The following PTCD3 variants were observed in gnomAD, a reference collection of about 807,000 sequenced individuals.
The protein encoded by PTCD3 is pentatricopeptide repeat domain 3, also known as small ribosomal subunit protein mS39.
A neutral mutation model predicts 101.9 loss-of-function variants in PTCD3; 89 were observed. That is an observed-to-expected ratio of 0.87 (90% CI 0.74 to 1.04). The LOEUF is 1.04. PTCD3 is among the 50% of genes least tolerant of loss of function. PTCD3 has a pLI of 0.00. For missense variants in PTCD3, 870 were observed against 828.2 expected, an observed-to-expected ratio of 1.05 and a Z score of -0.62; for synonymous variants, 296 against 278.5, an observed-to-expected ratio of 1.06 and a Z score of -0.63.
At chr2:86,124,580 G>A (rs1004808388) in intron 9 of PTCD3, among the ~76,000 whole-genome samples, 3 of 152,154 alleles carry the variant, frequency 2.0e-5, no homozygotes, top group Non-Finnish European at 4.4e-5. Context: ...TGAGAGAAGA[G>A]TTAAAAGTAC....
At chr2:86,130,966 A>C in intron 15 of PTCD3, 112 bp from the exon 16 acceptor site, 1 of 1,397,628 alleles carries the variant, frequency 7.2e-7, no homozygotes, top group Non-Finnish European at 9.7e-7. Context: ...TTATGTTCTT[A>C]GCTTTATCTT....
In PTCD3 at chr2:86,134,890, A is replaced by G; in HGVS notation, c.1681A>G (p.Ser561Gly). ...CAADIKSAYESQPIRQTAQDW... is the reference protein window; with the variant it reads ...CAADIKSAYEGQPIRQTAQDW... ...TGCTGATATCAAATCTGCGTATGAA[A>G]GCCAACCCATCAGACAGACTGCTCA... The change falls in exon 21 of 24, where the codon AGC (serine) becomes GGC (glycine). Residue 561 changes from serine to glycine, a missense_variant. Ser to Gly is a moderately conservative substitution (Grantham distance 56, BLOSUM62 0). Transcript: ENST00000254630. 2 of 1,614,192 alleles carry G rather than the reference A, an allele frequency of 1.2e-6. No individual in the cohort carries two copies. Among genetic ancestry groups the G allele is most frequent in the Non-Finnish European group, 1.7e-6 (2 of 1,180,026 alleles).
At chr2:86,131,027 A>T (rs754293983) in intron 15 of PTCD3, 51 bp from the exon 16 acceptor site, 2 of 1,562,492 alleles carry the variant, frequency 1.3e-6, no homozygotes, top group Non-Finnish European at 8.7e-7. Flanking sequence ...ACTGACTTGA[A>T]AATATATTTT....
intron 4 of PTCD3, among the ~76,000 whole-genome samples, chr2:86,112,517 C>A (rs1345719605): frequency 6.6e-6 from 1 of 151,518 alleles, no homozygotes; most frequent in Non-Finnish European, 1.5e-5. Context: ...CCTGTCTCTA[C>A]CAAAACAACA....
intron 4 of PTCD3, 120 bp downstream of exon 4, chr2:86,111,278 C>A: frequency 1.0e-6 from 1 of 984,360 alleles, no homozygotes; most frequent in Non-Finnish European, 1.5e-6. Context: ...AACTGTTGTG[C>A]GTCTAGAAAG....
rs1011928423 is a variant in PTCD3 at position 86,141,119 on chromosome 2, G to A, written c.*3560G>A. On this transcript the variant is annotated 3_prime_UTR_variant, in exon 24 of 24. Coordinates refer to ENST00000254630, the MANE Select transcript of PTCD3 (RefSeq NM_017952.6). ...CGTGGTGTCTGTTCCCACAACAATGGCCCTTTCACAAGCTCTTGCCTCACA... is the reference window on the plus strand; with the variant it reads ...CGTGGTGTCTGTTCCCACAACAATGACCCTTTCACAAGCTCTTGCCTCACA... 6.6e-6 allele frequency: 1 copy of A among 152,116 alleles called. No homozygotes were observed. The highest frequency in any genetic ancestry group is 6.6e-5 in the Admixed American group (1 of 15,258). 9.4% of individuals were successfully genotyped at this position (152,116 alleles called of 1,614,324 possible).
At chr2:86,108,308 T>G in intron 1 of PTCD3, 42 bp from the exon 2 acceptor site, 1 of 1,587,108 alleles carries the variant, frequency 6.3e-7, no homozygotes, top group Non-Finnish European at 8.5e-7. Context: ...GCTGGGTACT[T>G]CATTAATGAC....
chr2:86,124,592 T>C (rs899238313), intron 9 of PTCD3, among the ~76,000 whole-genome samples: 4 of 152,102 alleles, frequency 2.6e-5, no homozygotes, highest in Admixed American at 2.0e-4. Flanking sequence ...TAAAAGTACA[T>C]ATGCTAGAAT....
In PTCD3 at chr2:86,137,845, G is replaced by A. The variant is rs1013695429; in HGVS notation, c.*286G>A. The A allele has an allele frequency of 8.5e-6, 3 of 353,230 alleles. No individual in the cohort carries two copies. Among genetic ancestry groups the A allele is most frequent in the Non-Finnish European group, 1.7e-5 (3 of 181,350 alleles). The allele number at this position is 353,230 out of a possible 1,614,324, so 21.9% of individuals were successfully genotyped here. A position where few individuals can be genotyped will look rare whatever the true frequency, so the allele number is the denominator to read the frequency against. On this transcript the variant is annotated 3_prime_UTR_variant, in exon 24 of 24. Coordinates refer to ENST00000254630, the MANE Select transcript of PTCD3 (RefSeq NM_017952.6). ...TCCATGGCTCTTGTCATCAGGATAA[G>A]CCTGCACACCTAGAGTGTCGGTGAG...
intron 3 of PTCD3, among the ~76,000 whole-genome samples, chr2:86,109,739 A>G (rs1224469922): frequency 6.6e-6 from 1 of 152,224 alleles, no homozygotes; most frequent in African/African-American, 2.4e-5. Flanking sequence ...TTACTTGGGA[A>G]TAGTAACAGG....
chr2:86,134,377 G>GGT lies in PTCD3; in HGVS notation c.1629+1_1629+2dup. 6.2e-7 allele frequency: 1 copy of GGT among 1,609,148 alleles called. No homozygotes were observed. Among genetic ancestry groups the GGT allele is most frequent in the Non-Finnish European group, 8.5e-7 (1 of 1,175,606 alleles). On this transcript the variant is annotated frameshift_variant and splice_region_variant. Coordinates refer to ENST00000254630, the MANE Select transcript of PTCD3 (RefSeq NM_017952.6). LOFTEE classifies it high-confidence loss of function. ...TGGCAAGGGACAAGCACCCACCAGAGGTAGGCCTGAAACTCACCAGCCAGT... is the reference window on the plus strand; with the variant it reads ...TGGCAAGGGACAAGCACCCACCAGAGGTGTAGGCCTGAAACTCACCAGCCAGT...
intron 13 of PTCD3, 93 bp downstream of exon 13, chr2:86,127,398 T>G: frequency 7.2e-7 from 1 of 1,394,074 alleles, no homozygotes; most frequent in African/African-American, 1.4e-5. Flanking sequence ...ATTATTCTTG[T>G]GCTTACATAA....
chr2:86,132,312 T>A lies in PTCD3; in HGVS notation c.1267-6T>A. The A allele has an allele frequency of 6.4e-7, 1 of 1,558,606 alleles. No individual in the cohort carries two copies. Among genetic ancestry groups the A allele is most frequent in the Non-Finnish European group, 8.8e-7 (1 of 1,132,420 alleles). The stretch of plus-strand genomic sequence containing the variant: ...AGAGTGATACTTACTACTTGCATAT[T>A]TTCAGTGCTCATCTCTCAGAGATCT... On this transcript the variant is annotated splice_region_variant and splice_polypyrimidine_tract_variant and intron_variant, in intron 16 of 23. Coordinates refer to ENST00000254630, the MANE Select transcript of PTCD3 (RefSeq NM_017952.6).
chr2:86,134,470 C>T, intron 20 of PTCD3, 93 bp downstream of exon 20: 1 of 1,036,222 alleles, frequency 9.7e-7, no homozygotes, highest in South Asian at 1.4e-5. Flanking sequence ...TTGGAGAGTT[C>T]TGCTACCCAA....
intron 21 of PTCD3, 85 bp from the exon 22 acceptor site, chr2:86,136,436 T>C: frequency 7.4e-7 from 1 of 1,344,216 alleles, no homozygotes; most frequent in African/African-American, 1.4e-5. Context: ...GCATTTAGTC[T>C]CTGATTTCAG....
chr2:86,119,701 CAAGA>C (rs1419374833), intron 7 of PTCD3: 3 of 152,266 alleles, frequency 2.0e-5, no homozygotes, highest in Non-Finnish European at 4.4e-5. Flanking sequence ...CCACAACACA[CAAGA>C]AAGAAATACG....
chr2:86,118,011 G>A (rs1397324526), intron 6 of PTCD3, among the ~76,000 whole-genome samples: 4 of 152,124 alleles, frequency 2.6e-5, no homozygotes, highest in Non-Finnish European at 4.4e-5. Context: ...TCCTGACCTC[G>A]TGATCCACCC....
chr2:86,106,527 G>A (rs1163450443), intron 1 of PTCD3, among the ~76,000 whole-genome samples, 176 bp downstream of exon 1: 1 of 152,168 alleles, frequency 6.6e-6, no homozygotes, highest in Non-Finnish European at 1.5e-5. Context: ...GATTCGCAAC[G>A]CATTTATTCA....
Position 86,137,683 on chromosome 2 carries a change from T to TA in PTCD3, c.*125dup, listed in dbSNP as rs2104464663. 1 of 1,391,668 alleles carries TA rather than the reference T, an allele frequency of 7.2e-7. No homozygotes were observed. Among genetic ancestry groups the TA allele is most frequent in the Non-Finnish European group, 9.8e-7 (1 of 1,023,806 alleles). The allele number at this position is 1,391,668 out of a possible 1,614,324, so 86.2% of individuals were successfully genotyped here. A position where few individuals can be genotyped will look rare whatever the true frequency, so the allele number is the denominator to read the frequency against. ...AAAGATACAGATTTGGTGAATTTGT[T>TA]ACTGTGAGGTACAGTCAGTACACAG... On this transcript the variant is annotated 3_prime_UTR_variant, in exon 24 of 24. Transcript: ENST00000254630.
Sources: gnomAD v4.1 joint callset for allele counts (sites outside exome capture counted in the v4.1 genomes callset) on GRCh38, gnomAD v4.1.1 for gene constraint, MANE v1.5 for transcripts, NCBI Gene and HGNC (gene_info 2026-07-23, HGNC 2026-07-21) for gene names.